Variants in MINDY2 observed in about 807,000 individuals in gnomAD.
The protein encoded by MINDY2 is MINDY lysine 48 deubiquitinase 2, also known as ubiquitin carboxyl-terminal hydrolase MINDY-2.
MINDY2 carries 52 observed loss-of-function variants against 68.2 expected under a neutral mutation model. The observed-to-expected ratio is 0.76, with a 90% CI of 0.61 to 0.96. MINDY2 has a LOEUF of 0.96. Among genes scored for constraint, MINDY2 ranks in the 40% least tolerant of loss-of-function variants. The pLI is 0.00. For synonymous variants in MINDY2, 372 were observed against 303.0 expected (o/e 1.23, Z -2.36); for missense variants, 881 against 773.4 (o/e 1.14, Z -1.65).
rs375182500 is a variant in MINDY2, at chr15:58,793,533, A to G, written c.898+5570A>G. Among the ~76,000 whole-genome samples the G allele has an allele frequency of 6.4e-4, 98 of 152,342 alleles. 1 individual carries two copies. In the South Asian group the frequency reaches 0.02, roughly 31 times the overall value. Reference sequence around the variant, plus strand: ...TCATAATCCTGTGAATATACAACAAAAAATAATTGAATTGTACATTTTAAG... The same window carrying G: ...TCATAATCCTGTGAATATACAACAAGAAATAATTGAATTGTACATTTTAAG... On this transcript the variant is annotated intron_variant, in intron 2 of 8. Transcript: ENST00000559228.
chr15:58,796,143 G>A (rs1308753321), intron 2 of MINDY2: 1 of 455,736 alleles, frequency 2.2e-6, no homozygotes, highest in Non-Finnish European at 4.4e-6. Flanking sequence ...GAGAAGTTTG[G>A]GTACAAATGG....
intron 2 of MINDY2, among the ~76,000 whole-genome samples, chr15:58,788,987 G>A (rs1002350799): frequency 1.3e-5 from 2 of 152,096 alleles, no homozygotes; most frequent in Middle Eastern, 3.4e-3. Context: ...ACTCCAGCCT[G>A]GGTGATGGAG....
At chr15:58,788,073 A>T (rs1008479789) in intron 2 of MINDY2, 110 bp downstream of exon 2, 1 of 686,428 alleles carries the variant, frequency 1.5e-6, no homozygotes, top group Non-Finnish European at 2.3e-6. Context: ...CTATTTTAAA[A>T]TTATAGTTTT....
At chr15:58,777,482 T>C (rs1177857518) in intron 1 of MINDY2, among the ~76,000 whole-genome samples, 4 of 152,024 alleles carry the variant, frequency 2.6e-5, no homozygotes, top group African/African-American at 7.3e-5. Flanking sequence ...TCATAATCTA[T>C]TAAGTAGTTG....
chr15:58,823,967 C>T (rs1321281736), intron 5 of MINDY2, among the ~76,000 whole-genome samples: 7 of 152,148 alleles, frequency 4.6e-5, no homozygotes, highest in Non-Finnish European at 1.5e-5. Context: ...CGGAATCCTT[C>T]TTTTTCAGTA....
chr15:58,831,313 G>A (rs906930893), intron 5 of MINDY2, among the ~76,000 whole-genome samples: 3 of 152,040 alleles, frequency 2.0e-5, no homozygotes, highest in Non-Finnish European at 1.5e-5. Flanking sequence ...TAGGATTTTT[G>A]TGAAATCTTA....
chr15:58,802,266 A>G (rs1276115621), intron 2 of MINDY2, 47 bp from the exon 3 acceptor site: 5 of 1,267,884 alleles, frequency 3.9e-6, no homozygotes, highest in Non-Finnish European at 5.6e-6. Context: ...AATCAGAAAA[A>G]CAAGTTTTTA....
intron 2 of MINDY2, among the ~76,000 whole-genome samples, chr15:58,795,765 G>GT (rs60618257): frequency 0.22 from 33,244 of 150,128 alleles, 4,301 homozygotes; most frequent in East Asian, 0.52. Flanking sequence ...TAGTGTCTAA[G>GT]TTTTTTTTTT....
intron 1 of MINDY2, among the ~76,000 whole-genome samples, chr15:58,780,238 CTACTAAAAA>C (rs1364462435): frequency 1.3e-5 from 2 of 151,988 alleles, no homozygotes; most frequent in African/African-American, 4.8e-5. Flanking sequence ...AACCCCTTCT[CTACTAAAAA>C]TACAAAATTA....
At chr15:58,788,851 A>G (rs1169652704) in intron 2 of MINDY2, among the ~76,000 whole-genome samples, 1 of 151,866 alleles carries the variant, frequency 6.6e-6, no homozygotes, top group African/African-American at 2.4e-5. Context: ...GTGTCTACTA[A>G]AAATACAAAA....
At position 58,845,203 on chromosome 15, in the gene MINDY2, C is replaced by T. The variant is rs371051421; in HGVS notation, c.1369-2094C>T. Among the ~76,000 whole-genome samples, 8 of 152,068 alleles carry T rather than the reference C, an allele frequency of 5.3e-5. No individual in the cohort carries two copies. In the South Asian group the frequency reaches 1.2e-3, roughly 24 times the overall value. Reference sequence around the variant, plus strand: ...GGCAGATCACTTGAGGTCAGGAATTCGAGACCAGCCTGGCCAACATGGTAA... The same window carrying T: ...GGCAGATCACTTGAGGTCAGGAATTTGAGACCAGCCTGGCCAACATGGTAA... On this transcript the variant is annotated intron_variant, in intron 6 of 8. Coordinates refer to ENST00000559228, the MANE Select transcript of MINDY2 (RefSeq NM_001040450.3).
chr15:58,831,916 G>T lies in MINDY2; in HGVS notation c.1368G>T (p.Lys456Asn). 6.2e-7 allele frequency: 1 copy of T among 1,608,378 alleles called. No individual in the cohort carries two copies. The highest frequency in any genetic ancestry group is 1.1e-5 in the South Asian group (1 of 89,784). ...ATTTTAGCACCATGACCAAATACAA[G>T]GTATGATATAGAAATAGCTATTTAA... is the stretch of plus-strand genomic sequence containing the variant. The part of the protein sequence containing the change: ...NNHFSTMTKY[K>N]GQLYLLVTDQ... Residue 456 changes from lysine (K) to asparagine (N), a missense_variant and splice_region_variant, in exon 6 of 9, where the codon AAG (lysine) becomes AAT (asparagine). By Grantham distance (94) the Lys-to-Asn change is moderately conservative (BLOSUM62 0). Coordinates refer to ENST00000559228, the MANE Select transcript of MINDY2 (RefSeq NM_001040450.3).
chr15:58,845,790 T>A (rs549035485), intron 6 of MINDY2, among the ~76,000 whole-genome samples: 62 of 152,312 alleles, frequency 4.1e-4, no homozygotes, highest in African/African-American at 1.4e-3. Flanking sequence ...AGATGTGGAA[T>A]CAAGCTGTGT....
chr15:58,822,952 A>G (rs999478983), intron 5 of MINDY2, among the ~76,000 whole-genome samples: 1 of 152,206 alleles, frequency 6.6e-6, no homozygotes, highest in Non-Finnish European at 1.5e-5. Context: ...TTTAAGAATT[A>G]AAACTAACGA....
At chr15:58,835,261 G>C (rs1442531031) in intron 6 of MINDY2, among the ~76,000 whole-genome samples, 1 of 152,128 alleles carries the variant, frequency 6.6e-6, no homozygotes, top group Non-Finnish European at 1.5e-5. Flanking sequence ...ATCACAAGCT[G>C]TGAGTGTTTT....
intron 1 of MINDY2, among the ~76,000 whole-genome samples, chr15:58,777,892 G>A (rs147138307): frequency 4.9e-4 from 74 of 152,118 alleles, no homozygotes; most frequent in African/African-American, 1.7e-3. Context: ...TTATCAAAAT[G>A]TATGACTTAG....
At position 58,772,509 on chromosome 15, in the gene MINDY2, A is replaced by G. The variant is rs187457881; in HGVS notation, c.840+274A>G. The stretch of plus-strand genomic sequence containing the variant: ...CTTAGAAACAAGAAGGACTTAGAGC[A>G]TCTTAAATCTTATGATTATTTTAAA... On this transcript the variant is annotated intron_variant, in intron 1 of 8. Coordinates refer to ENST00000559228, the MANE Select transcript of MINDY2 (RefSeq NM_001040450.3). 5.3e-3 allele frequency among the ~76,000 whole-genome samples: 807 copies of G among 152,370 alleles called. 9 individuals carry two copies. Among genetic ancestry groups the G allele is most frequent in the Non-Finnish European group, 7.2e-3 (491 of 68,040 alleles).
At chr15:58,791,073 G>T (rs1321931805) in intron 2 of MINDY2, among the ~76,000 whole-genome samples, 1 of 150,158 alleles carries the variant, frequency 6.7e-6, no homozygotes, top group East Asian at 1.9e-4. Context: ...CCAACTACTC[G>T]GGAGGCTGAG....
In MINDY2 at chr15:58,857,820, A is replaced by C. The variant is rs1463378459; in HGVS notation, c.*3210A>C. ...ATCATCATTAGATTTGAAAATAGGC[A>C]GATGAATGAACAAATATGGTCATTG... On this transcript the variant is annotated 3_prime_UTR_variant, in exon 9 of 9. Transcript: ENST00000559228. The C allele has an allele frequency of 6.6e-6, 1 of 152,248 alleles. No individual in the cohort carries two copies. The allele number at this position is 152,248 out of a possible 1,614,324, so 9.4% of individuals were successfully genotyped here. A position where few individuals can be genotyped will look rare whatever the true frequency, so the allele number is the denominator to read the frequency against.
Sources: allele counts gnomAD v4.1 joint callset (sites outside exome capture counted in the v4.1 genomes callset), GRCh38; gene constraint gnomAD v4.1.1; transcripts MANE v1.5; gene names NCBI Gene and HGNC (gene_info 2026-07-23, HGNC 2026-07-21).